Variants in WNT2B observed in about 807,000 individuals in gnomAD.
WNT2B encodes protein Wnt-2b.
WNT2B carries 19 observed loss-of-function variants against 40.5 expected under a neutral mutation model. That is an observed-to-expected ratio of 0.47 (90% CI 0.33 to 0.69). WNT2B has a LOEUF of 0.69. WNT2B is among the 30% of genes least tolerant of loss of function. The probability of loss-of-function intolerance (pLI) is 0.02; values close to 1 mark genes in which losing one functional copy is unlikely to be tolerated. For missense variants in WNT2B, 467 were observed against 556.4 expected (o/e 0.84, Z 1.62); for synonymous variants, 220 against 211.9 (o/e 1.04, Z -0.33).
intron 1 of WNT2B, among the ~76,000 whole-genome samples, chr1:112,476,935 A>T (rs1042915804): frequency 1.3e-5 from 2 of 152,146 alleles, no homozygotes; most frequent in African/African-American, 4.8e-5. Flanking sequence ...CCATGGGCAC[A>T]CCTGTACCCC....
At chr1:112,517,033 T>C in intron 3 of WNT2B, 88 bp from the exon 4 acceptor site, 2 of 1,533,406 alleles carry the variant, frequency 1.3e-6, no homozygotes, top group Non-Finnish European at 1.8e-6. Flanking sequence ...CCAGCCTATC[T>C]CAGAGCACTC....
At chr1:112,497,988 G>C (rs111822263) in intron 1 of WNT2B, among the ~76,000 whole-genome samples, 11 of 151,530 alleles carry the variant, frequency 7.3e-5, no homozygotes, top group African/African-American at 2.7e-4. Flanking sequence ...ATGTACCATG[G>C]TGGTTTGCTG....
chr1:112,488,463 C>G lies in WNT2B; in HGVS notation c.-95+20872C>G, dbSNP rs186427973. On this transcript the variant is annotated intron_variant, in intron 1 of 4. Coordinates refer to the WNT2B transcript ENST00000256640. ...CTTCTTCCTTACCTGCCTTACCTGC[C>G]TTGTTTTGTAAATGCTGTAAATAAC... is the stretch of plus-strand genomic sequence containing the variant. Among the ~76,000 whole-genome samples the G allele has an allele frequency of 2.0e-5, 3 of 151,954 alleles. No individual in the cohort carries two copies. In the East Asian group the frequency reaches 5.8e-4, roughly 29 times the overall value.
At position 112,498,256 on chromosome 1, in the gene WNT2B, T is replaced by C. The variant is rs551950486; in HGVS notation, c.-94-16618T>C. On this transcript the variant is annotated intron_variant, in intron 1 of 4. Transcript: ENST00000256640. ...ACATGATCTCATTCCTTTTTTTTTTTAGTTTGTTTTGTTTTGAGGCGGAGT... is the reference window on the plus strand; with the variant it reads ...ACATGATCTCATTCCTTTTTTTTTTCAGTTTGTTTTGTTTTGAGGCGGAGT... Among the ~76,000 whole-genome samples the C allele has an allele frequency of 4.6e-5, 7 of 151,926 alleles. No homozygotes were observed. In the East Asian group the frequency reaches 5.8e-4, roughly 13 times the overall value.
Position 112,517,236 on chromosome 1 carries a change from G to A in WNT2B, c.797G>A (p.Arg266Gln), listed in dbSNP as rs1236030857. 11 of 1,614,046 alleles carry A rather than the reference G, an allele frequency of 6.8e-6. No individual in the cohort carries two copies. Among genetic ancestry groups the A allele is most frequent in the African/African-American group, 1.3e-5 (1 of 74,920 alleles). ...TTCCGCCGCACAGGTGATTACCTGC[G>A]GCGACGCTATGATGGGGCTGTGCAG... is the stretch of plus-strand genomic sequence containing the variant. ...SDFRRTGDYLRRRYDGAVQVM... is the reference protein window; with the variant it reads ...SDFRRTGDYLQRRYDGAVQVM... Residue 266 changes from arginine to glutamine, a missense_variant, in exon 4 of 5, where the codon CGG (arginine) becomes CAG (glutamine). Around this residue, in one of 2 missense-constraint regions of WNT2B, gnomAD observed 330 missense variants for 438.6 expected, o/e 0.75. Coordinates refer to ENST00000369684, the MANE Select transcript of WNT2B (RefSeq NM_024494.3).
intron 4 of WNT2B, among the ~76,000 whole-genome samples, chr1:112,517,611 C>G (rs1199150366): frequency 2.0e-5 from 3 of 152,238 alleles, no homozygotes; most frequent in Non-Finnish European, 4.4e-5. Context: ...TGAGGTCATG[C>G]ATCGCTCCTT....
intron 1 of WNT2B, among the ~76,000 whole-genome samples, chr1:112,472,908 A>G (rs952757148): frequency 1.4e-5 from 2 of 141,582 alleles, no homozygotes; most frequent in African/African-American, 2.5e-5. Flanking sequence ...TGCTGCCGTG[A>G]GTTGTGATCA....
At position 112,522,450 on chromosome 1, in the gene WNT2B, A is replaced by T. The variant is rs1406490077; in HGVS notation, c.*1941A>T. 1 of 152,234 alleles carries T rather than the reference A, an allele frequency of 6.6e-6. No homozygotes were observed. Among genetic ancestry groups the T allele is most frequent in the Non-Finnish European group, 1.5e-5 (1 of 68,044 alleles). The allele number at this position is 152,234 out of a possible 1,614,324, so 9.4% of individuals were successfully genotyped here. On this transcript the variant is annotated 3_prime_UTR_variant, in exon 5 of 5. Coordinates refer to ENST00000369684, the MANE Select transcript of WNT2B (RefSeq NM_024494.3). ...GAACAGTCCTTCTTTAGGACTATAA[A>T]GTATTAACAAAAGTCTGTAGATTAA... is the stretch of plus-strand genomic sequence containing the variant.
Position 112,509,155 on chromosome 1 carries a change from C to G in WNT2B, c.-108C>G. 1 of 1,377,424 alleles carries G rather than the reference C, an allele frequency of 7.3e-7. No homozygotes were observed. Among genetic ancestry groups the G allele is most frequent in the Non-Finnish European group, 9.3e-7 (1 of 1,074,438 alleles). 85.3% of individuals were successfully genotyped at this position (1,377,424 alleles called of 1,614,324 possible). A position where few individuals can be genotyped will look rare whatever the true frequency, so the allele number is the denominator to read the frequency against. ...GTGATCCTAGGTCCCCAGCCGCCGG[C>G]GAACACCATGGCCCCCCAGGGGGGT... On this transcript the variant is annotated 5_prime_UTR_variant, in exon 1 of 5. Transcript: ENST00000369684. This position sits in a 1 kb window ranked among gnomAD's most constrained non-coding sequence, Gnocchi z 4.2.
In WNT2B at chr1:112,509,372, C is replaced by T; in HGVS notation, c.110C>T (p.Ala37Val). Residue 37 changes from alanine (A) to valine (V), a missense_variant, in exon 1 of 5, where the codon GCC (alanine) becomes GTC (valine). Coordinates refer to ENST00000369684, the MANE Select transcript of WNT2B (RefSeq NM_024494.3). The surrounding 1 kb of genome is among the most constrained non-coding windows in gnomAD (Gnocchi z 4.2). The part of the protein sequence containing the change: ...PAAPDGSRAS[A>V]RLGLACLLLL... ...GCCCCCGACGGCTCCCGGGCTTCGG[C>T]CCGCCTAGGTCTTGCCTGCCTTCTG... 1 of 1,596,236 alleles carries T rather than the reference C, an allele frequency of 6.3e-7. No individual in the cohort carries two copies.
Position 112,519,684 on chromosome 1 carries a change from A to G in WNT2B, c.947-596A>G, listed in dbSNP as rs144506867. 3.0e-3 allele frequency among the ~76,000 whole-genome samples: 463 copies of G among 152,292 alleles called. 3 individuals carry two copies. The highest frequency in any genetic ancestry group is 0.01 in the African/African-American group (435 of 41,552). ...TATTACTTAGGAATTCCTTAGGAAT[A>G]TGCCTCCAGCCAGTCATGGTAATCA... On this transcript the variant is annotated intron_variant, in intron 4 of 4. Transcript: ENST00000369684.
At chr1:112,485,931 G>C (rs1042914847) in intron 1 of WNT2B, among the ~76,000 whole-genome samples, 1 of 152,086 alleles carries the variant, frequency 6.6e-6, no homozygotes, top group Non-Finnish European at 1.5e-5. Flanking sequence ...TTTTTGACTT[G>C]TTAATATGGT....
intron 1 of WNT2B, among the ~76,000 whole-genome samples, chr1:112,474,603 G>C (rs976930634): frequency 1.3e-5 from 2 of 152,158 alleles, no homozygotes; most frequent in African/African-American, 4.8e-5. Flanking sequence ...TGTCAACCTA[G>C]AATTCTAAAC....
At chr1:112,483,225 TAC>T (rs1295309906) in intron 1 of WNT2B, among the ~76,000 whole-genome samples, 15 of 110,480 alleles carry the variant, frequency 1.4e-4, no homozygotes, top group East Asian at 6.2e-4. Flanking sequence ...CACACACATA[TAC>T]ACACACACAC....
At position 112,522,939 on chromosome 1, in the gene WNT2B, G is replaced by A. The variant is rs1446733951; in HGVS notation, c.*2430G>A. Reference sequence around the variant, plus strand: ...CTGACATCTTGAGGAAAGCTTTGGGGTAGTGGAGAGGTAAGGGGGTCATGG... The same window carrying A: ...CTGACATCTTGAGGAAAGCTTTGGGATAGTGGAGAGGTAAGGGGGTCATGG... On this transcript the variant is annotated 3_prime_UTR_variant, in exon 5 of 5. Coordinates refer to ENST00000369684, the MANE Select transcript of WNT2B (RefSeq NM_024494.3). 2 of 152,218 alleles carry A rather than the reference G, an allele frequency of 1.3e-5. No homozygotes were observed. The highest frequency in any genetic ancestry group is 2.9e-5 in the Non-Finnish European group (2 of 68,104). 9.4% of individuals were successfully genotyped at this position (152,218 alleles called of 1,614,324 possible). A position where few individuals can be genotyped will look rare whatever the true frequency, so the allele number is the denominator to read the frequency against.
At chr1:112,502,176 A>G (rs1392624714) in intron 1 of WNT2B, among the ~76,000 whole-genome samples, 1 of 152,094 alleles carries the variant, frequency 6.6e-6, no homozygotes, top group Non-Finnish European at 1.5e-5. Context: ...CGCCCGCGGG[A>G]GAGAGCGATC....
In WNT2B at chr1:112,491,080, AG is replaced by A. The variant is rs552143676; in HGVS notation, c.-95+23491del. On this transcript the variant is annotated intron_variant, in intron 1 of 4. Transcript: ENST00000256640. ...GTCAGCGTTCAACAAGTGTTTGCAA[AG>A]GTACATGATAATTAAAATGTCAGAT... 3.8e-4 allele frequency: 615 copies of A among 1,613,710 alleles called. 4 individuals carry two copies. The South Asian group carries it at 6.4e-3, about 17-fold the overall frequency.
intron 1 of WNT2B, among the ~76,000 whole-genome samples, chr1:112,473,614 T>C (rs920585554): frequency 2.0e-5 from 3 of 152,146 alleles, no homozygotes; most frequent in Non-Finnish European, 4.4e-5. Flanking sequence ...TCAGGTGACC[T>C]AATGTAAGTT....
rs1653994677 is a variant in WNT2B, at chr1:112,529,359, C to T, written c.*8850C>T. 1 of 152,094 alleles carries T rather than the reference C, an allele frequency of 6.6e-6. No homozygotes were observed. The highest frequency in any genetic ancestry group is 2.1e-4 in the South Asian group (1 of 4,826). The allele number at this position is 152,094 out of a possible 1,614,324, so 9.4% of individuals were successfully genotyped here. A position where few individuals can be genotyped will look rare whatever the true frequency, so the allele number is the denominator to read the frequency against. On this transcript the variant is annotated 3_prime_UTR_variant, in exon 5 of 5. Transcript: ENST00000369684. Reference sequence around the variant, plus strand: ...TTTATAAAGGGTGATTTCTGAAACCCTTCACAAAAGAAAAGCTCAAGGGTT... The same window carrying T: ...TTTATAAAGGGTGATTTCTGAAACCTTTCACAAAAGAAAAGCTCAAGGGTT...
Sources: allele counts gnomAD v4.1 joint callset (sites outside exome capture counted in the v4.1 genomes callset), GRCh38; gene constraint gnomAD v4.1.1; regional missense constraint gnomAD v4.1.1; non-coding constraint Gnocchi (gnomAD v3.1); transcripts MANE v1.5; gene names NCBI Gene and HGNC (gene_info 2026-07-23, HGNC 2026-07-21).